The following PRKD1 variants were observed in gnomAD, a reference collection of about 807,000 sequenced individuals.
The protein encoded by PRKD1 is serine/threonine-protein kinase D1.
PRKD1 carries 63 observed loss-of-function variants against 95.9 expected under a neutral mutation model. That is an observed-to-expected ratio of 0.66 (90% CI 0.54 to 0.81). The LOEUF (loss-of-function observed/expected upper bound fraction) is 0.81, where lower values mean the gene tolerates loss of function less well. Among genes scored for constraint, PRKD1 ranks in the 30% least tolerant of loss-of-function variants. PRKD1 has a pLI of 0.00. For synonymous variants in PRKD1, 425 were observed against 423.1 expected (o/e 1.00, Z -0.05); for missense variants, 1,048 against 1,165.3 (o/e 0.90, Z 1.47).
At position 29,927,535 on chromosome 14, in the gene PRKD1, G is replaced by A. The variant is rs1186419153; in HGVS notation, c.-23C>T. The A allele has an allele frequency of 8.7e-7, 1 of 1,154,308 alleles. No individual in the cohort carries two copies. The allele number at this position is 1,154,308 out of a possible 1,614,324, so 71.5% of individuals were successfully genotyped here. A position where few individuals can be genotyped will look rare whatever the true frequency, so the allele number is the denominator to read the frequency against. ...CATCGCTCGGCGGGGCGCAGGGCCG[G>A]GCAGCGGAGGGCGGGGGCTGGCGGC... On this transcript the variant is annotated 5_prime_UTR_variant, in exon 1 of 18. Transcript: ENST00000331968.
At chr14:29,586,231 A>G (rs1229307296) in intron 16 of PRKD1, among the ~76,000 whole-genome samples, 4 of 152,332 alleles carry the variant, frequency 2.6e-5, no homozygotes, top group Middle Eastern at 3.4e-3. Context: ...ATCTGTCCTC[A>G]GCTCCATCTT....
chr14:29,786,738 G>A (rs61979962), intron 1 of PRKD1, among the ~76,000 whole-genome samples: 23,527 of 151,634 alleles, frequency 0.16, 2,035 homozygotes, highest in South Asian at 0.21. Flanking sequence ...TTGTTCTCAC[G>A]GTTAGCGTAA....
chr14:29,662,672 C>T (rs763881187), intron 4 of PRKD1, among the ~76,000 whole-genome samples: 1 of 151,978 alleles, frequency 6.6e-6, no homozygotes, highest in African/African-American at 2.4e-5. Flanking sequence ...ATATAAAGAT[C>T]GTGATCACAA....
chr14:29,761,544 C>A (rs1887983025), intron 1 of PRKD1, among the ~76,000 whole-genome samples: 1 of 152,114 alleles, frequency 6.6e-6, no homozygotes, highest in African/African-American at 2.4e-5. Context: ...TAGACAGATC[C>A]AAACCAGTGC....
intron 1 of PRKD1, among the ~76,000 whole-genome samples, chr14:29,803,677 GA>G (rs1890122497): frequency 6.6e-6 from 1 of 152,194 alleles, no homozygotes; most frequent in East Asian, 1.9e-4. Context: ...GAGGGATGTG[GA>G]AAGGTTGACC....
chr14:29,614,930 T>G (rs2139060108), intron 13 of PRKD1, among the ~76,000 whole-genome samples: 1 of 147,982 alleles, frequency 6.8e-6, no homozygotes, highest in South Asian at 2.1e-4. Context: ...CAGGCTGGTC[T>G]TGAACTACTG....
At chr14:29,926,283 A>C (rs556180292) in intron 1 of PRKD1, among the ~76,000 whole-genome samples, 1 of 152,260 alleles carries the variant, frequency 6.6e-6, no homozygotes, top group Admixed American at 6.5e-5. Flanking sequence ...TGAAAAATTC[A>C]GCACCTTTAG....
At chr14:29,745,494 A>G (rs1383825032) in intron 1 of PRKD1, among the ~76,000 whole-genome samples, 1 of 152,142 alleles carries the variant, frequency 6.6e-6, no homozygotes, top group Non-Finnish European at 1.5e-5. Flanking sequence ...TTTGAGATAG[A>G]GTCTTGATGC....
chr14:29,746,561 C>T (rs1340369891), intron 1 of PRKD1, among the ~76,000 whole-genome samples: 1 of 148,808 alleles, frequency 6.7e-6, no homozygotes, highest in Non-Finnish European at 1.5e-5. Flanking sequence ...CACATAATCC[C>T]TCTACTCATT....
chr14:29,832,054 A>C (rs1891432466), intron 1 of PRKD1, among the ~76,000 whole-genome samples: 1 of 152,158 alleles, frequency 6.6e-6, no homozygotes, highest in African/African-American at 2.4e-5. Context: ...TACAGTGGAT[A>C]TATTAGCACA....
intron 16 of PRKD1, 112 bp downstream of exon 16, chr14:29,597,379 C>A: frequency 8.8e-7 from 1 of 1,139,304 alleles, no homozygotes; most frequent in Non-Finnish European, 1.2e-6. Context: ...CTCTGGTGGG[C>A]ACTTTACAAT....
At chr14:29,764,154 G>T (rs1320108935) in intron 1 of PRKD1, among the ~76,000 whole-genome samples, 1 of 151,966 alleles carries the variant, frequency 6.6e-6, no homozygotes, top group African/African-American at 2.4e-5. Flanking sequence ...TCTCTGCAAG[G>T]GTCCCAAGCA....
intron 1 of PRKD1, among the ~76,000 whole-genome samples, chr14:29,747,264 T>C (rs1313398282): frequency 1.3e-5 from 2 of 152,142 alleles, no homozygotes; most frequent in Non-Finnish European, 2.9e-5. Flanking sequence ...AGTGCTAGGA[T>C]GGCTCTAACA....
chr14:29,914,957 C>G (rs1894843958), intron 1 of PRKD1, among the ~76,000 whole-genome samples: 1 of 151,912 alleles, frequency 6.6e-6, no homozygotes, highest in Non-Finnish European at 1.5e-5. Flanking sequence ...ATCTCCTGAC[C>G]TTGTGATCTG....
In PRKD1 at chr14:29,629,112, C is replaced by T; in HGVS notation, c.1673-19G>A. On this transcript the variant is annotated intron_variant, in intron 10 of 17. Transcript: ENST00000331968. ...ATATCTCCTGGAAATGCATGTAAAACAATATGCACACAAAAAGTCAGTAAG... is the reference window on the plus strand; with the variant it reads ...ATATCTCCTGGAAATGCATGTAAAATAATATGCACACAAAAAGTCAGTAAG... 2 of 1,595,380 alleles carry T rather than the reference C, an allele frequency of 1.3e-6. No individual in the cohort carries two copies. Among genetic ancestry groups the T allele is most frequent in the Admixed American group, 1.7e-5 (1 of 57,254 alleles).
At chr14:29,717,018 G>T (rs976559577) in intron 2 of PRKD1, among the ~76,000 whole-genome samples, 3 of 152,048 alleles carry the variant, frequency 2.0e-5, no homozygotes, top group East Asian at 3.9e-4. Flanking sequence ...TTAATCAGAT[G>T]ATAATATTAA....
intron 1 of PRKD1, among the ~76,000 whole-genome samples, chr14:29,801,604 T>C (rs1890032649): frequency 6.6e-6 from 1 of 152,084 alleles, no homozygotes; most frequent in Non-Finnish European, 1.5e-5. Context: ...TGGGGAGTAT[T>C]AACACTTAGG....
chr14:29,809,725 T>C (rs1437165137), intron 1 of PRKD1, among the ~76,000 whole-genome samples: 1 of 152,220 alleles, frequency 6.6e-6, no homozygotes, highest in South Asian at 2.1e-4. Context: ...TGTGGCTGCT[T>C]TGATCTTCTA....
chr14:29,624,246 T>C lies in PRKD1; in HGVS notation c.1811A>G (p.Lys604Arg). Residue 604 changes from lysine to arginine, a missense_variant, in exon 13 of 18, where the codon AAA becomes AGA. Physicochemically the swap from Lys to Arg is conservative, Grantham distance 26. Around this residue, in one of 3 missense-constraint regions of PRKD1, gnomAD observed 739 missense variants for 861.9 expected, o/e 0.86. Transcript: ENST00000331968. ...TTTAATAGCTACATCTCTTCCTGTT[T>C]TACGATGTTTTCCTTTAAAATGAAA... ...FGIVYGGKHR[K>R]TGRDVAIKII... 1 of 1,598,552 alleles carries C rather than the reference T, an allele frequency of 6.3e-7. No individual in the cohort carries two copies. The highest frequency in any genetic ancestry group is 8.5e-7 in the Non-Finnish European group (1 of 1,172,300).
Sources: allele counts gnomAD v4.1 joint callset (sites outside exome capture counted in the v4.1 genomes callset), GRCh38; gene constraint gnomAD v4.1.1; regional missense constraint gnomAD v4.1.1; transcripts MANE v1.5; gene names NCBI Gene and HGNC (gene_info 2026-07-23, HGNC 2026-07-21).